Variants in BMPR2 observed in about 807,000 individuals in gnomAD.
The protein encoded by BMPR2 is bone morphogenetic protein receptor type-2.
Under a neutral mutation model 100.8 loss-of-function variants are expected in BMPR2, and 29 were observed. The observed-to-expected ratio is 0.29, with a 90% CI of 0.21 to 0.39. BMPR2 has a LOEUF of 0.39. Ranked by LOEUF, BMPR2 falls within the 10% of genes least tolerant of loss-of-function variation. BMPR2 has a pLI of 1.00. For missense variants in BMPR2, 1,011 were observed against 1,274.5 expected, an observed-to-expected ratio of 0.79 and a Z score of 3.15; for synonymous variants, 382 against 442.3, an observed-to-expected ratio of 0.86 and a Z score of 1.71.
chr2:202,378,874 G>C (rs1418132956), intron 1 of BMPR2, among the ~76,000 whole-genome samples: 1 of 152,050 alleles, frequency 6.6e-6, no homozygotes, highest in Non-Finnish European at 1.5e-5. Context: ...GGCCTTAAAC[G>C]TTCCATGAGC....
At position 202,532,719 on chromosome 2, in the gene BMPR2, A is replaced by G. The variant is rs1046458343; in HGVS notation, c.1263A>G (p.Thr421=). 6.2e-7 allele frequency: 1 copy of G among 1,612,974 alleles called. No individual in the cohort carries two copies. The highest frequency in any genetic ancestry group is 8.5e-7 in the Non-Finnish European group (1 of 1,179,922). Residue 421 remains threonine, a synonymous_variant, in exon 9 of 13, where the codon ACA becomes ACG. Coordinates refer to ENST00000374580, the MANE Select transcript of BMPR2 (RefSeq NM_001204.7). This position sits in a 1 kb window ranked among gnomAD's most constrained non-coding sequence, Gnocchi z 4.1. ...ATTGGGAGATATTTATGAGATGTAC[A>G]GACCTCTTCCCAGGTAAAAACTACT... ...LIYWEIFMRC[T]DLFPGESVPE...
At chr2:202,470,963 G>A (rs1692426141) in intron 3 of BMPR2, among the ~76,000 whole-genome samples, 1 of 152,134 alleles carries the variant, frequency 6.6e-6, no homozygotes, top group Non-Finnish European at 1.5e-5. Flanking sequence ...AGAGGCTGAG[G>A]TGGGAGGATC....
intron 3 of BMPR2, among the ~76,000 whole-genome samples, chr2:202,471,706 G>T (rs758634261): frequency 1.6e-4 from 25 of 152,178 alleles, no homozygotes; most frequent in Non-Finnish European, 2.9e-4. Context: ...AAGACTGGAC[G>T]ACTAGGCAGT....
At chr2:202,421,315 A>C (rs1691257747) in intron 1 of BMPR2, among the ~76,000 whole-genome samples, 1 of 151,418 alleles carries the variant, frequency 6.6e-6, no homozygotes, top group African/African-American at 2.4e-5. Context: ...AAAAGGAAAA[A>C]AAAAAAAAAA....
chr2:202,433,158 C>G (rs796191401), intron 1 of BMPR2, among the ~76,000 whole-genome samples: 4 of 150,528 alleles, frequency 2.7e-5, no homozygotes, highest in Admixed American at 6.6e-5. Context: ...CAAGCATGCT[C>G]TCTGCTAAAT....
intron 3 of BMPR2, among the ~76,000 whole-genome samples, chr2:202,501,900 A>G (rs1265095645): frequency 1.3e-5 from 2 of 152,224 alleles, no homozygotes; most frequent in Admixed American, 6.5e-5. Flanking sequence ...GCCCGAGATG[A>G]TCTCTTAGAA....
chr2:202,535,451 G>A (rs1279989104), intron 9 of BMPR2, among the ~76,000 whole-genome samples: 3 of 151,202 alleles, frequency 2.0e-5, no homozygotes, highest in East Asian at 2.0e-4. Flanking sequence ...CAGACGGGGC[G>A]GCGGGGCAGA....
At chr2:202,543,185 A>G (rs1021540208) in intron 10 of BMPR2, among the ~76,000 whole-genome samples, 1 of 107,102 alleles carries the variant, frequency 9.3e-6, no homozygotes, top group Non-Finnish European at 1.9e-5. Context: ...TCAAAAAAAA[A>G]AAAAGCATAT....
At chr2:202,480,882 G>C (rs1419085770) in intron 3 of BMPR2, among the ~76,000 whole-genome samples, 2 of 149,494 alleles carry the variant, frequency 1.3e-5, no homozygotes, top group African/African-American at 4.9e-5. Context: ...ATGAATCTGG[G>C]AGGTGGAGGT....
chr2:202,538,676 C>T (rs1416538135), intron 9 of BMPR2, among the ~76,000 whole-genome samples: 2 of 151,576 alleles, frequency 1.3e-5, no homozygotes, highest in African/African-American at 4.8e-5. Flanking sequence ...CACCTGTAAT[C>T]CCAGCTACTC....
intron 7 of BMPR2, among the ~76,000 whole-genome samples, chr2:202,528,507 A>G (rs1687960320): frequency 1.3e-5 from 2 of 152,220 alleles, no homozygotes; most frequent in African/African-American, 4.8e-5. Context: ...TTTTAAAAAA[A>G]TGAAAGAAAG....
intron 10 of BMPR2, among the ~76,000 whole-genome samples, chr2:202,552,088 C>T (rs1688489741): frequency 1.3e-5 from 2 of 152,078 alleles, no homozygotes; most frequent in South Asian, 4.1e-4. Context: ...CTCCTGACCT[C>T]GTGATCCACC....
intron 9 of BMPR2, among the ~76,000 whole-genome samples, chr2:202,540,605 A>G (rs1375091929): frequency 6.6e-6 from 1 of 152,196 alleles, no homozygotes. Context: ...GCAAGTATTT[A>G]TTAGTTGTTT....
chr2:202,457,292 A>G (rs1372481110), intron 1 of BMPR2, among the ~76,000 whole-genome samples: 1 of 151,554 alleles, frequency 6.6e-6, no homozygotes, highest in East Asian at 1.9e-4. Flanking sequence ...TAGCTGTCAT[A>G]TCATGTTTCA....
chr2:202,436,895 G>GT, intron 1 of BMPR2, among the ~76,000 whole-genome samples: 1 of 150,784 alleles, frequency 6.6e-6, no homozygotes, highest in Non-Finnish European at 1.5e-5. Flanking sequence ...TCGCCTTGCA[G>GT]TAAGAATTGT....
intron 1 of BMPR2, among the ~76,000 whole-genome samples, chr2:202,442,909 A>T (rs1691776485): frequency 6.6e-6 from 1 of 150,660 alleles, no homozygotes; most frequent in African/African-American, 2.5e-5. Context: ...GAACATGTGT[A>T]CTGTGGACTG....
chr2:202,501,772 T>C (rs772613480), intron 3 of BMPR2, among the ~76,000 whole-genome samples: 9 of 152,244 alleles, frequency 5.9e-5, no homozygotes, highest in Non-Finnish European at 1.2e-4. Flanking sequence ...CACTACTCCT[T>C]GAGGGACTGG....
intron 4 of BMPR2, among the ~76,000 whole-genome samples, chr2:202,514,122 T>A (rs897442741): frequency 3.3e-5 from 5 of 151,960 alleles, no homozygotes; most frequent in Non-Finnish European, 7.4e-5. Context: ...GAGCTTTTTT[T>A]AAAATTTATT....
chr2:202,487,175 A>C (rs1692794979), intron 3 of BMPR2, among the ~76,000 whole-genome samples: 1 of 152,188 alleles, frequency 6.6e-6, no homozygotes, highest in Non-Finnish European at 1.5e-5. Flanking sequence ...GGCATATGTA[A>C]GCCTATGAAG....
Sources: allele counts gnomAD v4.1 joint callset (sites outside exome capture counted in the v4.1 genomes callset), GRCh38; gene constraint gnomAD v4.1.1; non-coding constraint Gnocchi (gnomAD v3.1); transcripts MANE v1.5; gene names NCBI Gene and HGNC (gene_info 2026-07-23, HGNC 2026-07-21).